NPSR1: variants seen among roughly 807,000 people sequenced by gnomAD.
NPSR1 encodes neuropeptide S receptor.
A neutral mutation model predicts 46.9 loss-of-function variants in NPSR1; 48 were observed. The ratio of observed to expected loss-of-function variants is 1.02; its 90% confidence interval spans 0.81 to 1.30. The LOEUF (loss-of-function observed/expected upper bound fraction) is 1.30, where lower values mean the gene tolerates loss of function less well. Among genes scored for constraint, NPSR1 ranks in the 50% most tolerant of loss-of-function variants. The pLI, the probability that NPSR1 is intolerant of heterozygous loss-of-function variation, is 0.00. For missense variants in NPSR1, 450 were observed against 449.5 expected (o/e 1.00, Z -0.01); for synonymous variants, 176 against 168.1 (o/e 1.05, Z -0.36).
At chr7:34,783,580 A>C (rs527686807) in intron 3 of NPSR1, among the ~76,000 whole-genome samples, 5 of 152,176 alleles carry the variant, frequency 3.3e-5, no homozygotes, top group African/African-American at 9.7e-5. Flanking sequence ...AGACAAAAAA[A>C]ATATAGATTA....
intron 3 of NPSR1, among the ~76,000 whole-genome samples, chr7:34,788,841 G>T (rs775989601): frequency 2.0e-5 from 3 of 152,016 alleles, no homozygotes; most frequent in Non-Finnish European, 4.4e-5. Context: ...TCACCTAGTG[G>T]CAGCAGAATA....
chr7:34,792,734 T>TATATTTATATATATATGTATATATA (rs58315247), intron 3 of NPSR1, among the ~76,000 whole-genome samples: 27 of 123,292 alleles, frequency 2.2e-4, no homozygotes, highest in Middle Eastern at 5.2e-3. Flanking sequence ...TATATATATA[T>TATATTTATATATATATGTATATATA]TAGCCAGGCA....
At chr7:34,676,162 G>A (rs1792307279) in intron 1 of NPSR1, among the ~76,000 whole-genome samples, 1 of 152,148 alleles carries the variant, frequency 6.6e-6, no homozygotes, top group African/African-American at 2.4e-5. Flanking sequence ...ATGTACATAT[G>A]TAGTCCACAA....
intron 3 of NPSR1, among the ~76,000 whole-genome samples, chr7:34,778,901 C>G (rs1457894875): frequency 6.6e-6 from 1 of 152,098 alleles, no homozygotes; most frequent in African/African-American, 2.4e-5. Flanking sequence ...TTACCTTTCA[C>G]TTCTCAAATG....
chr7:34,774,042 C>T (rs918721084), intron 2 of NPSR1, among the ~76,000 whole-genome samples: 1 of 152,176 alleles, frequency 6.6e-6, no homozygotes, highest in African/African-American at 2.4e-5. Flanking sequence ...GTGCAGAAAC[C>T]TATACATATA....
intron 8 of NPSR1, among the ~76,000 whole-genome samples, chr7:34,858,481 A>G (rs1011624080): frequency 2.0e-5 from 3 of 151,840 alleles, no homozygotes; most frequent in Admixed American, 1.3e-4. Flanking sequence ...TTCAAAACTA[A>G]CCAAAATTAA....
chr7:34,719,704 G>T (rs1562676076), intron 2 of NPSR1: 2 of 152,126 alleles, frequency 1.3e-5, no homozygotes. Context: ...CTAAATCACA[G>T]ACAGATTGTT....
In NPSR1 at chr7:34,792,703, A is replaced by ATATATATG. The variant is rs1584036048; in HGVS notation, c.384+14145_384+14146insGTATATAT. Among the ~76,000 whole-genome samples the ATATATATG allele has an allele frequency of 9.1e-4, 81 of 88,550 alleles. 2 individuals are homozygous for ATATATATG. Among genetic ancestry groups the ATATATATG allele is most frequent in the South Asian group, 1.7e-3 (5 of 2,916 alleles). 58.1% of individuals were successfully genotyped at this position (88,550 alleles called of 152,430 possible). A position where few individuals can be genotyped will look rare whatever the true frequency, so the allele number is the denominator to read the frequency against. On this transcript the variant is annotated intron_variant, in intron 3 of 8. Transcript: ENST00000360581. Reference sequence around the variant, plus strand: ...TATATATATATGTATATATATACGTATATATATATATTTATATATATATAT... The same window carrying ATATATATG: ...TATATATATATGTATATATATACGTATATATATGTATATATATATTTATATATATATAT...
chr7:34,814,556 C>T (rs1487343569), intron 4 of NPSR1, among the ~76,000 whole-genome samples: 4 of 152,208 alleles, frequency 2.6e-5, no homozygotes, highest in East Asian at 1.9e-4. Flanking sequence ...TCCAGCATGG[C>T]GTTTGAGCTC....
intron 8 of NPSR1, among the ~76,000 whole-genome samples, chr7:34,872,085 C>A (rs985309629): frequency 6.6e-6 from 1 of 151,980 alleles, no homozygotes; most frequent in Non-Finnish European, 1.5e-5. Context: ...TGCCTGGGCA[C>A]CAAGCTCTTC....
intron 2 of NPSR1, among the ~76,000 whole-genome samples, chr7:34,739,226 C>T (rs1784820357): frequency 6.6e-6 from 1 of 152,136 alleles, no homozygotes; most frequent in Non-Finnish European, 1.5e-5. Context: ...TTGTTTGAAA[C>T]CTGGTTTCTA....
chr7:34,821,497 A>G (rs1789560189), intron 4 of NPSR1, among the ~76,000 whole-genome samples: 1 of 152,200 alleles, frequency 6.6e-6, no homozygotes, highest in African/African-American at 2.4e-5. Context: ...TGTGGTGGAC[A>G]AAAGGACATC....
At chr7:34,757,713 C>T (rs1785936765) in intron 2 of NPSR1, among the ~76,000 whole-genome samples, 1 of 152,172 alleles carries the variant, frequency 6.6e-6, no homozygotes, top group Non-Finnish European at 1.5e-5. Context: ...TATCTAGTGA[C>T]CCAACCTCGG....
intron 1 of NPSR1, among the ~76,000 whole-genome samples, chr7:34,681,511 G>A (rs1185944139): frequency 6.6e-6 from 1 of 152,210 alleles, no homozygotes; most frequent in African/African-American, 2.4e-5. Flanking sequence ...CCACGTGGAT[G>A]AACAGCAGCA....
chr7:34,837,273 T>C (rs972769982), intron 6 of NPSR1, among the ~76,000 whole-genome samples: 2 of 152,230 alleles, frequency 1.3e-5, no homozygotes, highest in Admixed American at 6.5e-5. Context: ...TATATGTATA[T>C]TCATTTTTTA....
chr7:34,873,861 C>T (rs575327639), intron 8 of NPSR1, among the ~76,000 whole-genome samples: 6 of 151,742 alleles, frequency 4.0e-5, no homozygotes, highest in Admixed American at 2.0e-4. Context: ...GAAGACAAGA[C>T]GGCAGGAAGC....
At chr7:34,684,107 A>G (rs187524034) in intron 1 of NPSR1, among the ~76,000 whole-genome samples, 26 of 151,120 alleles carry the variant, frequency 1.7e-4, no homozygotes, top group Admixed American at 6.6e-4. Context: ...GGTATTTTTA[A>G]TATTGCTACA....
chr7:34,752,462 T>C (rs1156438292), intron 2 of NPSR1, among the ~76,000 whole-genome samples: 1 of 152,234 alleles, frequency 6.6e-6, no homozygotes, highest in East Asian at 1.9e-4. Context: ...TATTTTGTCA[T>C]GCCTTAAGTC....
intron 2 of NPSR1, among the ~76,000 whole-genome samples, chr7:34,748,368 C>A (rs1785322771): frequency 6.6e-6 from 1 of 152,244 alleles, no homozygotes; most frequent in Admixed American, 6.5e-5. Context: ...ACTTCACACT[C>A]AGGCCATGCC....
Sources: gnomAD v4.1 joint callset for allele counts (sites outside exome capture counted in the v4.1 genomes callset) on GRCh38, gnomAD v4.1.1 for gene constraint, MANE v1.5 for transcripts, NCBI Gene and HGNC (gene_info 2026-07-23, HGNC 2026-07-21) for gene names.